CHRM3: variants seen among roughly 807,000 people sequenced by gnomAD.
CHRM3 encodes muscarinic acetylcholine receptor M3.
In CHRM3, 11 loss-of-function variants were observed where a neutral mutation model predicts 41.8. That is an observed-to-expected ratio of 0.26 (90% CI 0.17 to 0.44). The LOEUF is 0.44. CHRM3 is among the 20% of genes least tolerant of loss of function. CHRM3 has a pLI of 1.00. For synonymous variants in CHRM3, 297 were observed against 301.4 expected, an observed-to-expected ratio of 0.99 and a Z score of 0.15; for missense variants, 571 against 745.4, an observed-to-expected ratio of 0.77 and a Z score of 2.72.
chr1:239,709,873 A>G (rs76400727), intron 5 of CHRM3, among the ~76,000 whole-genome samples: 1 of 152,228 alleles, frequency 6.6e-6, no homozygotes, highest in Non-Finnish European at 1.5e-5. Flanking sequence ...TTTTAAAAAA[A>G]TTAATATCAA....
At chr1:239,858,206 G>A (rs889929341) in intron 6 of CHRM3, among the ~76,000 whole-genome samples, 12 of 152,198 alleles carry the variant, frequency 7.9e-5, no homozygotes, top group Admixed American at 1.3e-4. Context: ...TCCTTGCTGC[G>A]ATTTCACAAT....
At chr1:239,422,521 C>G (rs905032559) in intron 1 of CHRM3, among the ~76,000 whole-genome samples, 2 of 152,080 alleles carry the variant, frequency 1.3e-5, no homozygotes, top group East Asian at 3.9e-4. Flanking sequence ...GTTGTCCAAG[C>G]GCGGTGGCTC....
intron 5 of CHRM3, chr1:239,705,777 T>C (rs1661100324): frequency 6.6e-6 from 1 of 152,118 alleles, no homozygotes; most frequent in Non-Finnish European, 1.5e-5. Flanking sequence ...TCACGATATA[T>C]ATATATATCA....
At chr1:239,448,722 A>C (rs1664342459) in intron 1 of CHRM3, among the ~76,000 whole-genome samples, 3 of 152,292 alleles carry the variant, frequency 2.0e-5, no homozygotes, top group African/African-American at 7.2e-5. Context: ...AGGCAATTTA[A>C]AAGGGGTGGA....
intron 5 of CHRM3, among the ~76,000 whole-genome samples, chr1:239,719,301 G>A (rs1662700095): frequency 6.6e-6 from 1 of 151,932 alleles, no homozygotes; most frequent in South Asian, 2.1e-4. Context: ...GGTTATACCT[G>A]TCCACTTTAA....
At chr1:239,833,578 C>G (rs1572434373) in intron 6 of CHRM3, among the ~76,000 whole-genome samples, 1 of 152,182 alleles carries the variant, frequency 6.6e-6, no homozygotes, top group African/African-American at 2.4e-5. Context: ...ATTTTGGCCT[C>G]TCCCCAAAAC....
At chr1:239,558,767 T>C (rs1660608646) in intron 3 of CHRM3, among the ~76,000 whole-genome samples, 1 of 152,158 alleles carries the variant, frequency 6.6e-6, no homozygotes, top group African/African-American at 2.4e-5. Flanking sequence ...AGGTCAAAAG[T>C]TTTTGCCTTA....
intron 3 of CHRM3, among the ~76,000 whole-genome samples, chr1:239,597,821 G>T: frequency 6.8e-6 from 1 of 146,698 alleles, no homozygotes; most frequent in Non-Finnish European, 1.5e-5. Context: ...TTTTTTACTG[G>T]GTATTCCTGA....
chr1:239,852,425 G>A lies in CHRM3; in HGVS notation c.-20+25047G>A, dbSNP rs111728520. ...ATGACGATGACATGCTTGTGCATGTGTAATAATCAGGCATTTTATCCAAGT... is the reference window on the plus strand; with the variant it reads ...ATGACGATGACATGCTTGTGCATGTATAATAATCAGGCATTTTATCCAAGT... On this transcript the variant is annotated intron_variant, in intron 6 of 6. Transcript: ENST00000676153. Among the ~76,000 whole-genome samples, 282 of 152,220 alleles carry A rather than the reference G, an allele frequency of 1.9e-3. 1 individual carries two copies. Among genetic ancestry groups the A allele is most frequent in the Non-Finnish European group, 3.2e-3 (217 of 68,008 alleles).
intron 5 of CHRM3, chr1:239,706,808 C>G (rs764056641): frequency 6.6e-6 from 1 of 151,972 alleles, no homozygotes; most frequent in Non-Finnish European, 1.5e-5. Flanking sequence ...GCATGCACCC[C>G]CACACACGTA....
Position 239,825,289 on chromosome 1 carries a change from C to T in CHRM3, c.-146-1963C>T, listed in dbSNP as rs116634792. 6.4e-3 allele frequency among the ~76,000 whole-genome samples: 976 copies of T among 152,284 alleles called. 13 individuals carry two copies. Among genetic ancestry groups the T allele is most frequent in the African/African-American group, 0.022 (897 of 41,552 alleles). The stretch of plus-strand genomic sequence containing the variant: ...CCTAAAGAACACCCCATGCCTGCTC[C>T]GCCCTCTACACCATGTATTTCTCAA... On this transcript the variant is annotated intron_variant, in intron 5 of 6. Coordinates refer to ENST00000676153, the MANE Select transcript of CHRM3 (RefSeq NM_001375978.1).
At chr1:239,393,394 T>C (rs1482999700) in intron 1 of CHRM3, among the ~76,000 whole-genome samples, 1 of 152,160 alleles carries the variant, frequency 6.6e-6, no homozygotes, top group African/African-American at 2.4e-5. Context: ...ACGATTTACA[T>C]TGAAAAGAAG....
intron 6 of CHRM3, among the ~76,000 whole-genome samples, chr1:239,851,372 G>A (rs1410786942): frequency 6.6e-6 from 1 of 152,120 alleles, no homozygotes; most frequent in East Asian, 1.9e-4. Flanking sequence ...ATGTGTCTTT[G>A]CTATGTTATT....
chr1:239,691,926 T>C (rs186510691), intron 5 of CHRM3, among the ~76,000 whole-genome samples: 2 of 152,238 alleles, frequency 1.3e-5, no homozygotes, highest in Admixed American at 1.3e-4. Context: ...AGAGTACTTA[T>C]TTTAGTGTTT....
At chr1:239,569,492 G>C (rs1008172831) in intron 3 of CHRM3, among the ~76,000 whole-genome samples, 2 of 152,062 alleles carry the variant, frequency 1.3e-5, no homozygotes, top group Non-Finnish European at 2.9e-5. Context: ...CAAATTAGTA[G>C]GAAATACATT....
At position 239,914,811 on chromosome 1, in the gene CHRM3, T is replaced by A. The variant is rs866841719; in HGVS notation, c.*5587T>A. The A allele has an allele frequency of 6.0e-5, 10 of 166,908 alleles. No homozygotes were observed. The highest frequency in any genetic ancestry group is 2.4e-4 in the African/African-American group (10 of 41,458). The allele number at this position is 166,908 out of a possible 1,614,324, so 10.3% of individuals were successfully genotyped here. A position where few individuals can be genotyped will look rare whatever the true frequency, so the allele number is the denominator to read the frequency against. On this transcript the variant is annotated 3_prime_UTR_variant, in exon 7 of 7. Coordinates refer to ENST00000676153, the MANE Select transcript of CHRM3 (RefSeq NM_001375978.1). ...TAGTTTTGCTTGGCGTGGAAAGTTA[T>A]TAGGAGACAATCCTTTATCCTGTTC...
intron 5 of CHRM3, among the ~76,000 whole-genome samples, chr1:239,678,936 T>C (rs1238023920): frequency 6.6e-6 from 1 of 152,180 alleles, no homozygotes; most frequent in Admixed American, 6.6e-5. Context: ...TCTCACTATA[T>C]ATAAATATGT....
intron 5 of CHRM3, among the ~76,000 whole-genome samples, chr1:239,756,730 T>TAA (rs1276493569): frequency 1.3e-5 from 2 of 152,236 alleles, no homozygotes; most frequent in African/African-American, 4.8e-5. Context: ...TCGAGTTCTA[T>TAA]AACTAAATTT....
chr1:239,754,036 A>G (rs191837807), intron 5 of CHRM3, among the ~76,000 whole-genome samples: 89 of 152,288 alleles, frequency 5.8e-4, no homozygotes, highest in African/African-American at 1.9e-3. Flanking sequence ...CTTATGCCAA[A>G]CATTGTGCTT....
Sources: allele counts gnomAD v4.1 joint callset (sites outside exome capture counted in the v4.1 genomes callset), GRCh38; gene constraint gnomAD v4.1.1; transcripts MANE v1.5; gene names NCBI Gene and HGNC (gene_info 2026-07-23, HGNC 2026-07-21).